ANAPC10: variants seen among roughly 807,000 people sequenced by gnomAD.
The protein encoded by ANAPC10 is anaphase-promoting complex subunit 10.
In ANAPC10, 12 loss-of-function variants were observed where a neutral mutation model predicts 22.0. The observed-to-expected ratio is 0.55, with a 90% confidence interval of 0.35 to 0.88. ANAPC10 has a LOEUF of 0.88. Among genes scored for constraint, ANAPC10 ranks in the 40% least tolerant of loss-of-function variants. ANAPC10 has a pLI of 0.01. For synonymous variants in ANAPC10, 65 were observed against 69.5 expected (o/e 0.94, Z 0.32); for missense variants, 188 against 220.9 (o/e 0.85, Z 0.94).
chr4:145,047,265 G>C (rs1422098489), intron 4 of ANAPC10, among the ~76,000 whole-genome samples: 1 of 152,032 alleles, frequency 6.6e-6, no homozygotes, highest in Non-Finnish European at 1.5e-5. Flanking sequence ...TCCTTTATTT[G>C]GCTTAGGTCT....
chr4:145,033,852 T>C (rs1271713828), intron 4 of ANAPC10, among the ~76,000 whole-genome samples: 2 of 152,254 alleles, frequency 1.3e-5, no homozygotes, highest in Non-Finnish European at 2.9e-5. Flanking sequence ...CTTCTGCTTT[T>C]GTTAAAAACA....
chr4:145,018,286 T>A (rs893972576), intron 4 of ANAPC10, among the ~76,000 whole-genome samples: 1 of 152,076 alleles, frequency 6.6e-6, no homozygotes, highest in African/African-American at 2.4e-5. Flanking sequence ...TAACATTGAA[T>A]GTAAATGGCC....
chr4:145,039,880 C>G (rs917814494), intron 4 of ANAPC10, among the ~76,000 whole-genome samples: 1 of 152,106 alleles, frequency 6.6e-6, no homozygotes, highest in African/African-American at 2.4e-5. Flanking sequence ...AGGCGTAAGT[C>G]ACTGTACTCA....
chr4:145,032,325 G>A (rs973242462), intron 4 of ANAPC10, among the ~76,000 whole-genome samples: 1 of 152,240 alleles, frequency 6.6e-6, no homozygotes. Context: ...ATGGCCGGAT[G>A]TACAATTATA....
At chr4:145,094,947 C>T (rs1748273499) in intron 2 of ANAPC10, among the ~76,000 whole-genome samples, 1 of 151,786 alleles carries the variant, frequency 6.6e-6, no homozygotes, top group Non-Finnish European at 1.5e-5. Flanking sequence ...AGTATTTTGG[C>T]GTATGTTATC....
chr4:145,052,844 C>T (rs1039250734), intron 4 of ANAPC10, among the ~76,000 whole-genome samples: 8 of 149,106 alleles, frequency 5.4e-5, no homozygotes, highest in Non-Finnish European at 1.0e-4. Context: ...GCCGAGATTG[C>T]ACCACTGCAC....
intron 4 of ANAPC10, among the ~76,000 whole-genome samples, chr4:145,003,038 C>A (rs957855475): frequency 1.3e-5 from 2 of 152,086 alleles, no homozygotes; most frequent in Non-Finnish European, 2.9e-5. Flanking sequence ...CAAGAAAGTC[C>A]CAGCCACTAT....
intron 4 of ANAPC10, among the ~76,000 whole-genome samples, chr4:145,056,441 GC>G (rs1259952316): frequency 6.6e-6 from 1 of 152,158 alleles, no homozygotes; most frequent in African/African-American, 2.4e-5. Context: ...AGCCCTCAGG[GC>G]TGCTCTATGT....
At chr4:145,038,286 G>A (rs1379435775) in intron 4 of ANAPC10, among the ~76,000 whole-genome samples, 1 of 152,168 alleles carries the variant, frequency 6.6e-6, no homozygotes, top group African/African-American at 2.4e-5. Flanking sequence ...GCCAAGGTAG[G>A]TGGATTGCCT....
chr4:145,018,727 T>G (rs1735579175), intron 4 of ANAPC10, among the ~76,000 whole-genome samples: 1 of 151,558 alleles, frequency 6.6e-6, no homozygotes, highest in Admixed American at 6.6e-5. Flanking sequence ...AGGAATCATA[T>G]AAACTTAAAG....
intron 4 of ANAPC10, among the ~76,000 whole-genome samples, chr4:144,997,701 C>A (rs1053436519): frequency 1.3e-5 from 2 of 152,122 alleles, no homozygotes; most frequent in African/African-American, 4.8e-5. Flanking sequence ...GCTAACATCA[C>A]AATGACAGGA....
At chr4:145,085,235 C>A (rs1204508227) in intron 2 of ANAPC10, among the ~76,000 whole-genome samples, 1 of 151,840 alleles carries the variant, frequency 6.6e-6, no homozygotes, top group Admixed American at 6.6e-5. Context: ...CTAGCCTGGG[C>A]AACAGTGCGA....
At chr4:145,032,947 T>C (rs751076494) in intron 4 of ANAPC10, 1 of 152,238 alleles carries the variant, frequency 6.6e-6, no homozygotes, top group Non-Finnish European at 1.5e-5. Context: ...GAATGCCTTA[T>C]CCATTGTCAT....
At chr4:145,004,775 A>G (rs2126877033) in intron 4 of ANAPC10, among the ~76,000 whole-genome samples, 1 of 152,208 alleles carries the variant, frequency 6.6e-6, no homozygotes, top group South Asian at 2.1e-4. Context: ...TTTTGCATCT[A>G]TGTTCATGAA....
chr4:145,093,540 AATAACT>A (rs1400962542), intron 2 of ANAPC10, among the ~76,000 whole-genome samples: 1 of 152,026 alleles, frequency 6.6e-6, no homozygotes, highest in Non-Finnish European at 1.5e-5. Context: ...AGGAATCTTA[AATAACT>A]ATAACTATGA....
At chr4:145,069,542 G>A (rs1210712501) in intron 3 of ANAPC10, among the ~76,000 whole-genome samples, 3 of 152,242 alleles carry the variant, frequency 2.0e-5, no homozygotes, top group East Asian at 1.9e-4. Flanking sequence ...CCCAATAACC[G>A]AAGTGGTAAG....
intron 4 of ANAPC10, among the ~76,000 whole-genome samples, chr4:145,007,473 C>T (rs1466367584): frequency 6.6e-6 from 1 of 150,706 alleles, no homozygotes; most frequent in Admixed American, 6.6e-5. Context: ...TCACAACAAA[C>T]TGTCTCTCAG....
chr4:145,081,806 C>T lies in ANAPC10; in HGVS notation c.116-56G>A, dbSNP rs562541555. 1.1e-3 allele frequency: 1,253 copies of T among 1,186,952 alleles called. 17 individuals are homozygous for T. In the South Asian group the frequency reaches 0.016, roughly 15 times the overall value. 73.5% of individuals were successfully genotyped at this position (1,186,952 alleles called of 1,614,324 possible). Reference sequence around the variant, plus strand: ...TGTGAAAAAGAAACAACTATACATGCAAAACATAAAATTAACATATGTATT... The same window carrying T: ...TGTGAAAAAGAAACAACTATACATGTAAAACATAAAATTAACATATGTATT... On this transcript the variant is annotated intron_variant, in intron 2 of 4. Transcript: ENST00000507656.
Position 145,098,132 on chromosome 4 carries a change from T to C in ANAPC10, c.-25A>G, listed in dbSNP as rs1748883640. On this transcript the variant is annotated 5_prime_UTR_variant, in exon 1 of 5. Transcript: ENST00000507656. Reference sequence around the variant, plus strand: ...CCCACACACTCACAGTTTCCAGACCTGGCTGCTTGCCGAAACTCAGATTCT... The same window carrying C: ...CCCACACACTCACAGTTTCCAGACCCGGCTGCTTGCCGAAACTCAGATTCT... 6.6e-6 allele frequency: 1 copy of C among 152,498 alleles called. No individual in the cohort carries two copies. The highest frequency in any genetic ancestry group is 2.4e-5 in the African/African-American group (1 of 41,480). The allele number at this position is 152,498 out of a possible 1,614,324, so 9.4% of individuals were successfully genotyped here.
Sources: gnomAD v4.1 joint callset for allele counts (sites outside exome capture counted in the v4.1 genomes callset) on GRCh38, gnomAD v4.1.1 for gene constraint, MANE v1.5 for transcripts, NCBI Gene and HGNC (gene_info 2026-07-23, HGNC 2026-07-21) for gene names.